Variants in RSPH10B2 observed in about 807,000 individuals in gnomAD.
RSPH10B2 encodes radial spoke head 10 homolog B2.
A neutral mutation model predicts 49.0 loss-of-function variants in RSPH10B2; 9 were observed. The ratio of observed to expected loss-of-function variants is 0.18; its 90% confidence interval spans 0.11 to 0.32. The LOEUF (loss-of-function observed/expected upper bound fraction) is 0.32, where lower values mean the gene tolerates loss of function less well. Among genes scored for constraint, RSPH10B2 ranks in the 10% least tolerant of loss-of-function variants. The pLI, the probability that RSPH10B2 is intolerant of heterozygous loss-of-function variation, is 1.00. For synonymous variants in RSPH10B2, 35 were observed against 210.2 expected (o/e 0.17, Z 7.21); for missense variants, 95 against 589.9 (o/e 0.16, Z 8.69).
chr7:6,793,486 C>T lies in RSPH10B2; in HGVS notation c.2233+1489C>T, dbSNP rs1399578778. ...CCCCTCTACAGTGCCTGTCGTTTCC[C>T]GTTACTCCTCCTCCAGTGGATCATT... On this transcript the variant is annotated intron_variant, in intron 17 of 18. Transcript: ENST00000297186. Among the ~76,000 whole-genome samples the T allele has an allele frequency of 3.5e-5, 4 of 115,808 alleles. 1 individual carries two copies. Among genetic ancestry groups the T allele is most frequent in the Non-Finnish European group, 6.9e-5 (4 of 58,148 alleles). The allele number at this position is 115,808 out of a possible 152,430, so 76.0% of individuals were successfully genotyped here.
chr7:6,755,606 C>T (rs1334503068), upstream of RSPH10B2, among the ~76,000 whole-genome samples: 1 of 28,790 alleles, frequency 3.5e-5, no homozygotes, highest in African/African-American at 2.4e-4. Context: ...ATGTACAACA[C>T]CCCGTCTCAA....
upstream of RSPH10B2, among the ~76,000 whole-genome samples, chr7:6,752,501 G>C (rs879337471): frequency 3.2e-3 from 410 of 126,572 alleles, 18 homozygotes; most frequent in Middle Eastern, 0.034. Flanking sequence ...TCTCCAGACT[G>C]TGGGCGGCTC....
In RSPH10B2 at chr7:6,782,576, A is replaced by G. The variant is rs1051481109; in HGVS notation, c.1758+1100A>G. Among the ~76,000 whole-genome samples the G allele has an allele frequency of 3.3e-5, 4 of 121,912 alleles. 1 individual carries two copies. The highest frequency in any genetic ancestry group is 6.5e-5 in the African/African-American group (2 of 30,902). The allele number at this position is 121,912 out of a possible 152,430, so 80.0% of individuals were successfully genotyped here. On this transcript the variant is annotated intron_variant, in intron 13 of 18. Coordinates refer to ENST00000297186, the Ensembl canonical transcript of RSPH10B2. ...CACCTTAGTCTTTTTGATGGACTGA[A>G]GTGTTGCCTGATCCTAGAATAGCAA... is the stretch of plus-strand genomic sequence containing the variant.
intron 18 of RSPH10B2, among the ~76,000 whole-genome samples, chr7:6,797,866 T>TACACACACACACACACACAC (rs753716997): frequency 3.0e-5 from 2 of 65,746 alleles, no homozygotes; most frequent in African/African-American, 1.5e-4. Flanking sequence ...AAAAAAAAAA[T>TACACACACACACACACACAC]ACACACACAC....
intron 13 of RSPH10B2, among the ~76,000 whole-genome samples, chr7:6,782,181 C>T (rs1461628821): frequency 1.4e-5 from 2 of 140,148 alleles, no homozygotes; most frequent in Admixed American, 7.2e-5. Context: ...CCCTAAGTGC[C>T]GGAATTACAG....
intron 4 of RSPH10B2, among the ~76,000 whole-genome samples, chr7:6,764,365 ATT>A (rs549293309): frequency 6.9e-6 from 1 of 145,560 alleles, no homozygotes. Flanking sequence ...CATTTTATTA[ATT>A]TTTTTTTTTT....
At chr7:6,786,177 GC>G (rs1782166009) in intron 14 of RSPH10B2, 121 bp downstream of exon 16, 13 of 225,298 alleles carry the variant, frequency 5.8e-5, no homozygotes, top group African/African-American at 1.6e-4. Flanking sequence ...TTTCACTGAT[GC>G]TTTTTTTTTT....
intron 18 of RSPH10B2, among the ~76,000 whole-genome samples, chr7:6,797,574 A>T (rs1782638583): frequency 6.6e-6 from 1 of 152,276 alleles, no homozygotes; most frequent in Non-Finnish European, 1.5e-5. Context: ...TAAAGTCCCC[A>T]AATGGGCTGG....
chr7:6,793,879 C>T (rs1355250441), intron 17 of RSPH10B2, among the ~76,000 whole-genome samples: 3 of 151,724 alleles, frequency 2.0e-5, no homozygotes, highest in African/African-American at 7.2e-5. Context: ...TCTCTTCTCC[C>T]ACTTTCCCCT....
chr7:6,779,927 G>T (rs1444295766), intron 11 of RSPH10B2, among the ~76,000 whole-genome samples: 1 of 131,900 alleles, frequency 7.6e-6, no homozygotes, highest in African/African-American at 2.8e-5. Context: ...TCTGCCTCGG[G>T]CTCCTGGGTA....
rs1401930112 is a variant in RSPH10B2 at position 6,797,929 on chromosome 7, A to T, written c.2433-434A>T. 3.0e-5 allele frequency among the ~76,000 whole-genome samples: 3 copies of T among 98,530 alleles called. 1 individual carries two copies. The highest frequency in any genetic ancestry group is 4.6e-5 in the African/African-American group (1 of 21,754). The allele number at this position is 98,530 out of a possible 152,430, so 64.6% of individuals were successfully genotyped here. ...CAAGGTGGGTGGATCACCTGAGGTC[A>T]GGAGTTTGAGACCAGCCTGGCCAAC... On this transcript the variant is annotated intron_variant, in intron 18 of 18. Coordinates refer to ENST00000297186, the Ensembl canonical transcript of RSPH10B2.
intron 6 of RSPH10B2, among the ~76,000 whole-genome samples, chr7:6,768,044 T>C (rs1356887119): frequency 4.0e-5 from 6 of 148,488 alleles, no homozygotes; most frequent in Admixed American, 2.7e-4. Flanking sequence ...ATATAAAAAT[T>C]AGCCGGGAGT....
intron 1 of RSPH10B2, among the ~76,000 whole-genome samples, chr7:6,758,529 GTGT>G (rs2115398383): frequency 7.9e-6 from 1 of 126,178 alleles, no homozygotes; most frequent in East Asian, 2.5e-4. Flanking sequence ...TACGTTCATA[GTGT>G]TGTACGACCG....
intron 11 of RSPH10B2, among the ~76,000 whole-genome samples, chr7:6,780,591 G>C (rs1781897118): frequency 8.6e-6 from 1 of 116,588 alleles, no homozygotes; most frequent in Non-Finnish European, 1.8e-5. Flanking sequence ...CACCATGTTG[G>C]CCAGGCTGGT....
Position 6,781,308 on chromosome 7 carries a change from T to C in RSPH10B2, c.1610-20T>C, listed in dbSNP as rs1781925223. 1 of 1,286,836 alleles carries C rather than the reference T, an allele frequency of 7.8e-7. No individual in the cohort carries two copies. 79.7% of individuals were successfully genotyped at this position (1,286,836 alleles called of 1,614,324 possible). A position where few individuals can be genotyped will look rare whatever the true frequency, so the allele number is the denominator to read the frequency against. On this transcript the variant is annotated intron_variant, in intron 12 of 18. Coordinates refer to ENST00000297186, the Ensembl canonical transcript of RSPH10B2. ...TCAAAACATAAATCTGTAATCATTT[T>C]TCGAACGTTGTATTTTTAGGCAATT...
chr7:6,796,446 C>G, intron 17 of RSPH10B2, 122 bp from the exon 20 acceptor site: 5 of 715,126 alleles, frequency 7.0e-6, no homozygotes, highest in Non-Finnish European at 1.0e-5. Flanking sequence ...TTACTCCTCT[C>G]ACTTCTCCTG....
intron 11 of RSPH10B2, among the ~76,000 whole-genome samples, 178 bp downstream of exon 13, chr7:6,779,902 G>A (rs1191121166): frequency 7.6e-6 from 1 of 130,796 alleles, no homozygotes. Context: ...CTGCCTCCCC[G>A]GTTCAAGCAA....
chr7:6,793,368 G>A lies in RSPH10B2; in HGVS notation c.2233+1371G>A, dbSNP rs200280892. Among the ~76,000 whole-genome samples, 4 of 116,196 alleles carry A rather than the reference G, an allele frequency of 3.4e-5. 2 individuals carry two copies. The highest frequency in any genetic ancestry group is 1.4e-4 in the African/African-American group (4 of 29,062). 76.2% of individuals were successfully genotyped at this position (116,196 alleles called of 152,430 possible). A position where few individuals can be genotyped will look rare whatever the true frequency, so the allele number is the denominator to read the frequency against. ...CGCCTGGCCCTCCCCCTTTTCTGAC[G>A]GCGTCTCTCTATGGCCGGCCACCCA... On this transcript the variant is annotated intron_variant, in intron 17 of 18. Coordinates refer to ENST00000297186, the Ensembl canonical transcript of RSPH10B2.
chr7:6,780,829 T>G, exon 12 of RSPH10B2: 1 of 1,499,712 alleles, frequency 6.7e-7, no homozygotes, highest in Non-Finnish European at 8.9e-7. Flanking sequence ...CCATCCCTCT[T>G]CTTGTGTTTT....
Sources: allele counts gnomAD v4.1 joint callset (sites outside exome capture counted in the v4.1 genomes callset), GRCh38; gene constraint gnomAD v4.1.1; transcripts MANE v1.5; gene names NCBI Gene and HGNC (gene_info 2026-07-23, HGNC 2026-07-21).